Variants in LMX1A observed in about 807,000 individuals in gnomAD.
LMX1A encodes the protein LIM homeobox transcription factor 1-alpha.
Under a neutral mutation model 49.1 loss-of-function variants are expected in LMX1A, and 15 were observed. The observed-to-expected ratio is 0.31, with a 90% CI of 0.20 to 0.47. The LOEUF (loss-of-function observed/expected upper bound fraction) is 0.47, where lower values mean the gene tolerates loss of function less well. Among genes scored for constraint, LMX1A ranks in the 20% least tolerant of loss-of-function variants. The probability of loss-of-function intolerance (pLI) is 1.00; values close to 1 mark genes in which losing one functional copy is unlikely to be tolerated. For synonymous variants in LMX1A, 167 were observed against 185.7 expected, an observed-to-expected ratio of 0.90 and a Z score of 0.82; for missense variants, 372 against 475.8, an observed-to-expected ratio of 0.78 and a Z score of 2.03.
chr1:165,307,324 G>C (rs1447861337), intron 3 of LMX1A, among the ~76,000 whole-genome samples: 1 of 152,170 alleles, frequency 6.6e-6, no homozygotes, highest in Non-Finnish European at 1.5e-5. Context: ...ACCAAATCCA[G>C]TTCCAGAAAG....
intron 4 of LMX1A, among the ~76,000 whole-genome samples, chr1:165,214,420 G>A (rs967136904): frequency 6.6e-6 from 1 of 152,196 alleles, no homozygotes; most frequent in East Asian, 1.9e-4. Context: ...CTTTATGGCA[G>A]TGTGAAAATG....
In LMX1A at chr1:165,279,300, T is replaced by C. The variant is rs550345298; in HGVS notation, c.264-29660A>G. On this transcript the variant is annotated intron_variant, in intron 3 of 8. Coordinates refer to ENST00000342310, the MANE Select transcript of LMX1A (RefSeq NM_177398.4). ...TCGTCCCCAATAACTGCCTCTGCGG[T>C]CAGCAAGCACAGGCCTCAAGTTTGT... Among the ~76,000 whole-genome samples, 10 of 152,300 alleles carry C rather than the reference T, an allele frequency of 6.6e-5. No individual in the cohort carries two copies. In the East Asian group the frequency reaches 1.9e-3, roughly 29 times the overall value.
rs199697925 is a variant in LMX1A at position 165,229,735 on chromosome 1, TTTG to T, written c.497-15925_497-15923del. On this transcript the variant is annotated intron_variant, in intron 4 of 8. Coordinates refer to ENST00000342310, the MANE Select transcript of LMX1A (RefSeq NM_177398.4). The stretch of plus-strand genomic sequence containing the variant: ...GGAGGGTTTTTTTGTTTTTTTGTTT[TTTG>T]TTGTTGTTGTTGTTTTCTGTCTCTC... Among the ~76,000 whole-genome samples the T allele has an allele frequency of 6.6e-5, 10 of 152,262 alleles. 1 individual carries two copies. The South Asian group carries it at 1.7e-3, about 25-fold the overall frequency.
chr1:165,215,649 T>C lies in LMX1A; in HGVS notation c.497-1836A>G, dbSNP rs575382320. Among the ~76,000 whole-genome samples the C allele has an allele frequency of 2.0e-5, 3 of 152,330 alleles. No individual in the cohort carries two copies. In the East Asian group the frequency reaches 5.8e-4, roughly 29 times the overall value. On this transcript the variant is annotated intron_variant, in intron 4 of 8. Transcript: ENST00000342310. Reference sequence around the variant, plus strand: ...GCCAGAGCCAAAAAAACTTATTTAATCTGAAAGGATAATGGCTTCTTCCTT... The same window carrying C: ...GCCAGAGCCAAAAAAACTTATTTAACCTGAAAGGATAATGGCTTCTTCCTT...
intron 4 of LMX1A, among the ~76,000 whole-genome samples, chr1:165,229,128 GA>G (rs994482393): frequency 6.6e-6 from 1 of 151,176 alleles, no homozygotes; most frequent in Non-Finnish European, 1.5e-5. Flanking sequence ...ACCAAGAAAT[GA>G]AAAAAATGTG....
At chr1:165,322,080 C>T (rs1446915281) in intron 3 of LMX1A, among the ~76,000 whole-genome samples, 2 of 152,078 alleles carry the variant, frequency 1.3e-5, no homozygotes, top group Non-Finnish European at 2.9e-5. Flanking sequence ...AAAATATGCT[C>T]AACATCATTA....
intron 3 of LMX1A, among the ~76,000 whole-genome samples, chr1:165,341,028 A>G (rs1656058591): frequency 6.6e-6 from 1 of 152,172 alleles, no homozygotes; most frequent in African/African-American, 2.4e-5. Context: ...GCCAGTCTCT[A>G]CCCACACTCC....
At chr1:165,336,192 CA>C (rs1256583815) in intron 3 of LMX1A, among the ~76,000 whole-genome samples, 3 of 152,008 alleles carry the variant, frequency 2.0e-5, no homozygotes, top group African/African-American at 7.2e-5. Context: ...TCCCTATTGT[CA>C]GGGGTGGGGT....
rs1250180696 is a variant in LMX1A at position 165,309,102 on chromosome 1, C to T, written c.263+43974G>A. 5.9e-5 allele frequency among the ~76,000 whole-genome samples: 9 copies of T among 152,132 alleles called. No homozygotes were observed. The South Asian group carries it at 1.5e-3, about 25-fold the overall frequency. On this transcript the variant is annotated intron_variant, in intron 3 of 8. Coordinates refer to ENST00000342310, the MANE Select transcript of LMX1A (RefSeq NM_177398.4). ...TTCCTTGGGTGATTGGAGGGGAGCC[C>T]CCTCCCCGCCCTGCCACCATTTGGA...
chr1:165,332,776 T>C (rs1655785753), intron 3 of LMX1A, among the ~76,000 whole-genome samples: 3 of 152,344 alleles, frequency 2.0e-5, no homozygotes, highest in Non-Finnish European at 4.4e-5. Flanking sequence ...CACTTATTCT[T>C]AGACAGTGAC....
At chr1:165,318,983 C>CCTCTCTCTCT (rs137990365) in intron 3 of LMX1A, among the ~76,000 whole-genome samples, 5 of 136,000 alleles carry the variant, frequency 3.7e-5, no homozygotes, top group African/African-American at 1.1e-4. Flanking sequence ...GCTGAGATCT[C>CCTCTCTCTCT]CTCTCTCTCT....
chr1:165,352,044 T>C (rs1656444896), intron 3 of LMX1A, among the ~76,000 whole-genome samples: 1 of 152,238 alleles, frequency 6.6e-6, no homozygotes, highest in Non-Finnish European at 1.5e-5. Flanking sequence ...CAGAGACCTC[T>C]GGATCAGCCA....
intron 4 of LMX1A, among the ~76,000 whole-genome samples, chr1:165,225,035 G>A (rs576635173): frequency 7.9e-5 from 12 of 152,264 alleles, no homozygotes; most frequent in Admixed American, 1.3e-4. Context: ...GAAGGAGGGC[G>A]ACTGAAGAAA....
At chr1:165,230,310 G>A (rs1354366593) in intron 4 of LMX1A, among the ~76,000 whole-genome samples, 4 of 152,158 alleles carry the variant, frequency 2.6e-5, no homozygotes, top group Admixed American at 2.0e-4. Flanking sequence ...CTCAGTTTAT[G>A]TTCTTTTTGC....
intron 3 of LMX1A, among the ~76,000 whole-genome samples, chr1:165,346,922 T>G (rs918286138): frequency 1.3e-5 from 2 of 152,246 alleles, no homozygotes. Context: ...TAATTGTGCT[T>G]TACTAAAATA....
chr1:165,226,577 T>A (rs142639649), intron 4 of LMX1A, among the ~76,000 whole-genome samples: 5 of 152,058 alleles, frequency 3.3e-5, no homozygotes, highest in Admixed American at 1.3e-4. Context: ...AAACTTGCCA[T>A]TGTGGGTGCA....
chr1:165,334,813 C>T (rs1655853386), intron 3 of LMX1A, among the ~76,000 whole-genome samples: 1 of 152,168 alleles, frequency 6.6e-6, no homozygotes, highest in African/African-American at 2.4e-5. Flanking sequence ...TCTTGATCTC[C>T]TGAGAGAAGG....
At chr1:165,241,507 AGAG>A (rs1652651616) in intron 4 of LMX1A, among the ~76,000 whole-genome samples, 1 of 152,322 alleles carries the variant, frequency 6.6e-6, no homozygotes, top group African/African-American at 2.4e-5. Flanking sequence ...AGAGTCCTGG[AGAG>A]GAGAAGTGGC....
intron 3 of LMX1A, among the ~76,000 whole-genome samples, chr1:165,283,410 T>G (rs568672104): frequency 6.6e-6 from 1 of 152,360 alleles, no homozygotes; most frequent in South Asian, 2.1e-4. Context: ...CATGACTGTA[T>G]GTCAAGCTCA....
Sources: gnomAD v4.1 joint callset for allele counts (sites outside exome capture counted in the v4.1 genomes callset) on GRCh38, gnomAD v4.1.1 for gene constraint, MANE v1.5 for transcripts, NCBI Gene and HGNC (gene_info 2026-07-23, HGNC 2026-07-21) for gene names.